RNF128: variants seen among roughly 807,000 people sequenced by gnomAD.
RNF128 encodes ring finger protein 128, also known as E3 ubiquitin-protein ligase RNF128.
A neutral mutation model predicts 26.2 loss-of-function variants in RNF128; 13 were observed. That is an observed-to-expected ratio of 0.50 (90% confidence interval 0.32 to 0.79). RNF128 has a LOEUF of 0.79. RNF128 is among the 30% of genes least tolerant of loss of function. RNF128 has a pLI of 0.03. For missense variants in RNF128, 315 were observed against 349.7 expected (o/e 0.90, Z 0.79); for synonymous variants, 149 against 142.5 (o/e 1.05, Z -0.32).
chrX:106,697,238 G>A (rs1928888425), intron 1 of RNF128, among the ~76,000 whole-genome samples: 1 of 111,841 alleles, frequency 8.9e-6, no homozygotes, highest in Non-Finnish European at 1.9e-5. Context: ...AGAGATATTT[G>A]GTAGTTACCC....
chrX:106,776,761 G>A (rs947468552), intron 2 of RNF128, among the ~76,000 whole-genome samples: 1 of 111,241 alleles, frequency 9.0e-6, no homozygotes, highest in African/African-American at 3.3e-5. Flanking sequence ...ATCTCTGACT[G>A]ATCTGGACCA....
At chrX:106,739,246 A>G (rs1185419457) in intron 1 of RNF128, among the ~76,000 whole-genome samples, 1 of 108,843 alleles carries the variant, frequency 9.2e-6, no homozygotes, top group African/African-American at 3.4e-5. Context: ...TTCAACCTCT[A>G]CATCCCGGGT....
chrX:106,732,087 A>G lies in RNF128; in HGVS notation c.484+4690A>G, dbSNP rs192055666. Among the ~76,000 whole-genome samples, 26 of 111,855 alleles carry G rather than the reference A, an allele frequency of 2.3e-4. No homozygotes were observed. The East Asian group carries it at 5.3e-3, about 23-fold the overall frequency. On this transcript the variant is annotated intron_variant, in intron 1 of 6. Coordinates refer to ENST00000255499, the MANE Select transcript of RNF128 (RefSeq NM_194463.2). ...TCATGTTGGTCCCTAAACATTCTCT[A>G]TTCTTTTCCACTAACATTCCTTTGC... is the stretch of plus-strand genomic sequence containing the variant.
Position 106,727,407 on chromosome X carries a change from G to T in RNF128, c.484+10G>T, listed in dbSNP as rs563599285. 1 of 1,209,860 alleles carries T rather than the reference G, an allele frequency of 8.3e-7. No homozygotes were observed. The highest frequency in any genetic ancestry group is 1.8e-5 in the South Asian group (1 of 56,613). ...CCCATGTCTCACCCGGGTGAGTGCA[G>T]CTACTAGATTGCACCCCTCCAGACC... On this transcript the variant is annotated intron_variant, in intron 1 of 6. Coordinates refer to ENST00000255499, the MANE Select transcript of RNF128 (RefSeq NM_194463.2).
In RNF128 at chrX:106,710,746, C is replaced by CAA. The variant is rs11326354; in HGVS notation, c.406+16362_406+16363dup. Among the ~76,000 whole-genome samples, 40 of 35,182 alleles carry CAA rather than the reference C, an allele frequency of 1.1e-3. 1 individual carries two copies. Among genetic ancestry groups the CAA allele is most frequent in the African/African-American group, 3.6e-3 (29 of 7,993 alleles). The allele number at this position is 35,182 out of a possible 115,157, so 30.6% of individuals were successfully genotyped here. A position where few individuals can be genotyped will look rare whatever the true frequency, so the allele number is the denominator to read the frequency against. On this transcript the variant is annotated intron_variant, in intron 1 of 6. Coordinates refer to the RNF128 transcript ENST00000324342. The stretch of plus-strand genomic sequence containing the variant: ...CACTCCAGCCTGGACGAAAGTCTGT[C>CAA]AAAAAAAAAAAAAAAAAAAAAAAAA...
At chrX:106,757,755 A>T (rs1166770936) in intron 1 of RNF128, among the ~76,000 whole-genome samples, 8 of 111,805 alleles carry the variant, frequency 7.2e-5, no homozygotes, top group Non-Finnish European at 1.5e-4. Context: ...ATTTAAAAAA[A>T]ACCCTAAAAA....
chrX:106,751,630 A>G (rs12841228), intron 1 of RNF128, among the ~76,000 whole-genome samples: 1,708 of 110,185 alleles, frequency 0.016, 13 homozygotes, highest in Non-Finnish European at 0.022. Context: ...CAGCTCTGGG[A>G]GGAGAGGAAA....
chrX:106,708,674 A>G (rs1929080274), intron 1 of RNF128, among the ~76,000 whole-genome samples: 1 of 112,127 alleles, frequency 8.9e-6, no homozygotes, highest in Non-Finnish European at 1.9e-5. Flanking sequence ...CAGATCCAGC[A>G]GTGCTTCTTT....
intron 1 of RNF128, among the ~76,000 whole-genome samples, chrX:106,737,278 G>A (rs1189048534): frequency 1.8e-5 from 2 of 109,992 alleles, no homozygotes; most frequent in Non-Finnish European, 3.8e-5. Context: ...ACAATATGCA[G>A]GTTAGTTACA....
intron 3 of RNF128, 37 bp from the exon 4 acceptor site, chrX:106,787,881 C>T (rs777187489): frequency 2.0e-6 from 2 of 987,881 alleles, no homozygotes; most frequent in Non-Finnish European, 2.8e-6. Context: ...TGTATTTTTT[C>T]TTATCTGTCA....
At chrX:106,710,746 CAAAAAAAAA>C (rs11326354) in intron 1 of RNF128, among the ~76,000 whole-genome samples, 4 of 35,206 alleles carry the variant, frequency 1.1e-4, no homozygotes, top group African/African-American at 5.0e-4. Flanking sequence ...GAAAGTCTGT[CAAAAAAAAA>C]AAAAAAAAAA....
chrX:106,702,898 C>A (rs1928982796), intron 1 of RNF128, among the ~76,000 whole-genome samples: 1 of 111,825 alleles, frequency 8.9e-6, no homozygotes, highest in Non-Finnish European at 1.9e-5. Flanking sequence ...TCAGGACATG[C>A]TTTGAGCACA....
intron 1 of RNF128, among the ~76,000 whole-genome samples, chrX:106,764,646 A>G (rs7471058): frequency 0.14 from 15,249 of 110,503 alleles, 2,650 homozygotes; most frequent in African/African-American, 0.48. Flanking sequence ...CACTCTGGGT[A>G]AGGAGCGAAA....
At chrX:106,751,704 A>G (rs1349835046) in intron 1 of RNF128, among the ~76,000 whole-genome samples, 2 of 110,514 alleles carry the variant, frequency 1.8e-5, no homozygotes, top group Non-Finnish European at 3.8e-5. Flanking sequence ...TAAAGCACCA[A>G]GCAGAGTCCT....
At chrX:106,705,340 G>T (rs1443153430) in intron 1 of RNF128, among the ~76,000 whole-genome samples, 1 of 111,953 alleles carries the variant, frequency 8.9e-6, no homozygotes, top group Non-Finnish European at 1.9e-5. Context: ...TGATCTGTTT[G>T]TTATGACTAA....
intron 1 of RNF128, among the ~76,000 whole-genome samples, chrX:106,704,904 A>G (rs1215550542): frequency 1.8e-5 from 2 of 112,172 alleles, no homozygotes; most frequent in Non-Finnish European, 1.9e-5. Flanking sequence ...TTATCAATGT[A>G]AAGGGCTGGC....
chrX:106,766,843 T>G (rs1253615979), intron 1 of RNF128, among the ~76,000 whole-genome samples: 1 of 111,947 alleles, frequency 8.9e-6, no homozygotes, highest in East Asian at 2.8e-4. Context: ...ATTTTTATGG[T>G]TTTAGGTCTA....
At position 106,716,294 on chromosome X, in the gene RNF128, G is replaced by A. The variant is rs768983855; in HGVS notation, c.406+21886G>A. Reference sequence around the variant, plus strand: ...TCTTTTGTTTAAATACCACACCAACGCAATAACATGGATGAATCTCAACTG... The same window carrying A: ...TCTTTTGTTTAAATACCACACCAACACAATAACATGGATGAATCTCAACTG... On this transcript the variant is annotated intron_variant, in intron 1 of 6. Coordinates refer to the RNF128 transcript ENST00000324342. 3.6e-5 allele frequency among the ~76,000 whole-genome samples: 4 copies of A among 111,500 alleles called. No homozygotes were observed. The South Asian group carries it at 1.1e-3, about 32-fold the overall frequency.
chrX:106,730,551 T>A (rs948379022), intron 1 of RNF128, among the ~76,000 whole-genome samples: 1 of 112,214 alleles, frequency 8.9e-6, no homozygotes, highest in Non-Finnish European at 1.9e-5. Context: ...TTAAGCATGT[T>A]CTCACTATTG....
Sources: allele counts gnomAD v4.1 joint callset (sites outside exome capture counted in the v4.1 genomes callset), GRCh38; gene constraint gnomAD v4.1.1; transcripts MANE v1.5; gene names NCBI Gene and HGNC (gene_info 2026-07-23, HGNC 2026-07-21).